DBT: variants seen among roughly 807,000 people sequenced by gnomAD.
The protein encoded by DBT is lipoamide acyltransferase component of branched-chain alpha-keto acid dehydrogenase complex, mitochondrial.
Under a neutral mutation model 51.3 loss-of-function variants are expected in DBT, and 40 were observed. The observed-to-expected ratio is 0.78, with a 90% CI of 0.61 to 1.02. The LOEUF (loss-of-function observed/expected upper bound fraction) is 1.02, where lower values mean the gene tolerates loss of function less well. Ranked by LOEUF, DBT falls within the 50% of genes least tolerant of loss-of-function variation. DBT has a pLI of 0.00. For synonymous variants in DBT, 181 were observed against 190.4 expected (o/e 0.95, Z 0.41); for missense variants, 510 against 580.2 (o/e 0.88, Z 1.24).
At position 100,187,984 on chromosome 1, in the gene DBT, G is replaced by A. The variant is rs1296564079; in HGVS notation, c.*8271C>T. On this transcript the variant is annotated 3_prime_UTR_variant, in exon 11 of 11. Transcript: ENST00000370132. ...TTCTAATATACACCTAGTTATTAGA[G>A]AAATTAGTGCACTAAAGGACAGTGG... The A allele has an allele frequency of 1.3e-5, 2 of 152,110 alleles. No homozygotes were observed. The highest frequency in any genetic ancestry group is 2.9e-5 in the Non-Finnish European group (2 of 68,036). The allele number at this position is 152,110 out of a possible 1,614,324, so 9.4% of individuals were successfully genotyped here.
rs760664814 is a variant in DBT at position 100,249,817 on chromosome 1, C to T, written c.4G>A (p.Ala2Thr). 3 of 1,614,184 alleles carry T rather than the reference C, an allele frequency of 1.9e-6. No homozygotes were observed. The highest frequency in any genetic ancestry group is 1.3e-5 in the African/African-American group (1 of 75,050). M[A>T]AVRMLRTWSR... Reference sequence around the variant, plus strand: ...CAGGTTCTCAGCATACGGACTGCAGCCATCTTACCCCGGAAATGACAACAG... The same window carrying T: ...CAGGTTCTCAGCATACGGACTGCAGTCATCTTACCCCGGAAATGACAACAG... Residue 2 changes from alanine to threonine, a missense_variant, in exon 1 of 11, where the codon GCT (alanine) becomes ACT (threonine). Transcript: ENST00000370132.
intron 7 of DBT, 40 bp from the exon 8 acceptor site, chr1:100,210,811 C>T (rs1662091548): frequency 5.0e-6 from 8 of 1,608,338 alleles, no homozygotes; most frequent in Non-Finnish European, 5.1e-6. Context: ...GTACTTTTAA[C>T]TTAGAAAGGA....
chr1:100,211,168 T>C (rs1662112823), intron 7 of DBT: 2 of 774,884 alleles, frequency 2.6e-6, no homozygotes, highest in Non-Finnish European at 4.8e-6. Flanking sequence ...TATTTCTCTG[T>C]GTGGAAAGAA....
chr1:100,232,312 T>G (rs1465521287), intron 3 of DBT, among the ~76,000 whole-genome samples: 1 of 152,068 alleles, frequency 6.6e-6, no homozygotes, highest in Non-Finnish European at 1.5e-5. Context: ...GTTGTTGTTG[T>G]TGTTGTTGGT....
chr1:100,234,186 C>T (rs764654719), intron 3 of DBT, among the ~76,000 whole-genome samples: 7 of 152,086 alleles, frequency 4.6e-5, no homozygotes, highest in Non-Finnish European at 1.0e-4. Context: ...TCGCAAAGAA[C>T]TTCTGAAAAC....
At chr1:100,199,114 A>G (rs1661278026) in intron 10 of DBT, among the ~76,000 whole-genome samples, 1 of 152,184 alleles carries the variant, frequency 6.6e-6, no homozygotes, top group African/African-American at 2.4e-5. Flanking sequence ...GAGCTTGGCC[A>G]TAATTTTTTT....
intron 1 of DBT, 57 bp downstream of exon 1, chr1:100,249,713 G>A: frequency 6.4e-7 from 1 of 1,561,914 alleles, no homozygotes; most frequent in African/African-American, 1.4e-5. Context: ...CACCACTCCT[G>A]GATGACTCCG....
At chr1:100,234,491 C>T (rs1663736655) in intron 3 of DBT, among the ~76,000 whole-genome samples, 1 of 150,054 alleles carries the variant, frequency 6.7e-6, no homozygotes, top group Non-Finnish European at 1.5e-5. Context: ...AAAAAAAAGT[C>T]GAAAATCTTT....
chr1:100,241,997 G>A (rs1356956754), intron 1 of DBT, among the ~76,000 whole-genome samples: 1 of 151,758 alleles, frequency 6.6e-6, no homozygotes, highest in African/African-American at 2.4e-5. Flanking sequence ...CTCCAGCCTG[G>A]TGACAGAGCA....
intron 7 of DBT, 43 bp downstream of exon 7, chr1:100,214,770 CAAAT>C (rs1019065407): frequency 1.3e-6 from 2 of 1,594,826 alleles, no homozygotes; most frequent in Non-Finnish European, 1.7e-6. Flanking sequence ...GACAAACAAA[CAAAT>C]AAATGTCCTA....
intron 5 of DBT, 141 bp downstream of exon 5, chr1:100,218,485 C>T (rs184780698): frequency 3.3e-6 from 3 of 898,586 alleles, no homozygotes; most frequent in East Asian, 2.5e-5. Context: ...TTTTATGCAA[C>T]TATTGCTTTT....
chr1:100,186,928 A>G lies in DBT; in HGVS notation c.*9327T>C, dbSNP rs1660595137. 1 of 152,126 alleles carries G rather than the reference A, an allele frequency of 6.6e-6. No homozygotes were observed. The allele number at this position is 152,126 out of a possible 1,614,324, so 9.4% of individuals were successfully genotyped here. A position where few individuals can be genotyped will look rare whatever the true frequency, so the allele number is the denominator to read the frequency against. On this transcript the variant is annotated 3_prime_UTR_variant, in exon 11 of 11. Coordinates refer to ENST00000370132, the MANE Select transcript of DBT (RefSeq NM_001918.5). ...CAGTGGAGACACTAGAGACTATTAT[A>G]TGAAAACTGTTTATTCTATAGCCTA... is the stretch of plus-strand genomic sequence containing the variant.
Position 100,235,500 on chromosome 1 carries a change from G to T in DBT, c.187C>A (p.Gln63Lys). 6.3e-7 allele frequency: 1 copy of T among 1,581,520 alleles called. No homozygotes were observed. The highest frequency in any genetic ancestry group is 8.7e-7 in the Non-Finnish European group (1 of 1,151,960). ...FLKTTAALRG[Q>K]VVQFKLSDIG... is the part of the protein sequence containing the mutation. The stretch of plus-strand genomic sequence containing the variant: ...TCTGAGAGCTTGAACTGAACAACCT[G>T]TCCACGGAGAGCTTCAAAGACAAAT... The change falls in exon 3 of 11, where the codon CAG becomes AAG. Residue 63 changes from glutamine (Q) to lysine (K), a missense_variant. Physicochemically the swap from Gln to Lys is moderately conservative, Grantham distance 53 (BLOSUM62 1). Coordinates refer to ENST00000370132, the MANE Select transcript of DBT (RefSeq NM_001918.5).
intron 10 of DBT, among the ~76,000 whole-genome samples, chr1:100,202,989 A>C (rs1661548089): frequency 1.3e-5 from 2 of 152,208 alleles, no homozygotes; most frequent in Admixed American, 1.3e-4. Context: ...CCAACAGAAG[A>C]AAGCAGGAAA....
At chr1:100,224,101 A>G (rs1475352535) in intron 4 of DBT, among the ~76,000 whole-genome samples, 8 of 152,206 alleles carry the variant, frequency 5.3e-5, no homozygotes, top group Non-Finnish European at 7.3e-5. Context: ...TATAATTAGC[A>G]TTACAAGATA....
Position 100,215,035 on chromosome 1 carries a change from TCC to T in DBT, c.773-54_773-53del. On this transcript the variant is annotated intron_variant, in intron 6 of 10. Transcript: ENST00000370132. ...TTATTTAAATTCTCAAATCTCTTCA[TCC>T]TTTTTTTTTTTTTTAAAGAAACTAA... The T allele has an allele frequency of 6.3e-6, 7 of 1,115,922 alleles. No individual in the cohort carries two copies. The Admixed American group carries it at 1.2e-4, about 19-fold the overall frequency. 69.1% of individuals were successfully genotyped at this position (1,115,922 alleles called of 1,614,324 possible).
At chr1:100,215,749 G>A (rs1486771162) in intron 6 of DBT, among the ~76,000 whole-genome samples, 1 of 152,092 alleles carries the variant, frequency 6.6e-6, no homozygotes, top group Non-Finnish European at 1.5e-5. Context: ...TTGAACCTGG[G>A]AGGCGGAGGC....
chr1:100,232,672 C>T (rs757582509), intron 3 of DBT, among the ~76,000 whole-genome samples: 3 of 152,038 alleles, frequency 2.0e-5, no homozygotes, highest in African/African-American at 4.8e-5. Context: ...GGTACAATCT[C>T]GGCTCACTGC....
chr1:100,213,532 C>G lies in DBT; in HGVS notation c.939+1285G>C, dbSNP rs1051410403. 3 of 1,557,286 alleles carry G rather than the reference C, an allele frequency of 1.9e-6. No individual in the cohort carries two copies. The African/African-American group carries it at 4.1e-5, about 21-fold the overall frequency. On this transcript the variant is annotated intron_variant, in intron 7 of 10. Transcript: ENST00000370132. Reference sequence around the variant, plus strand: ...TCGTGGTCGTGGGAGGCTGTCCCGTCTGCAGGGTCGGGGGGCTGCAGGACT... The same window carrying G: ...TCGTGGTCGTGGGAGGCTGTCCCGTGTGCAGGGTCGGGGGGCTGCAGGACT...
Sources: gnomAD v4.1 joint callset for allele counts (sites outside exome capture counted in the v4.1 genomes callset) on GRCh38, gnomAD v4.1.1 for gene constraint, MANE v1.5 for transcripts, NCBI Gene and HGNC (gene_info 2026-07-23, HGNC 2026-07-21) for gene names.